MARCHF5: variants seen among roughly 807,000 people sequenced by gnomAD.
MARCHF5 encodes E3 ubiquitin-protein ligase MARCHF5.
A neutral mutation model predicts 36.5 loss-of-function variants in MARCHF5; 5 were observed. That is an observed-to-expected ratio of 0.14 (90% CI 0.07 to 0.29). The LOEUF is 0.29. Ranked by LOEUF, MARCHF5 falls within the 10% of genes least tolerant of loss-of-function variation. The pLI is 1.00. For missense variants in MARCHF5, 179 were observed against 336.3 expected, an observed-to-expected ratio of 0.53 and a Z score of 3.66; for synonymous variants, 103 against 109.9, an observed-to-expected ratio of 0.94 and a Z score of 0.39.
intron 1 of MARCHF5, among the ~76,000 whole-genome samples, chr10:92,291,922 T>C (rs1002897522): frequency 3.3e-5 from 5 of 152,036 alleles, no homozygotes; most frequent in Admixed American, 1.3e-4. Flanking sequence ...GACCCCCTTA[T>C]AATTTTAAGT....
intron 2 of MARCHF5, among the ~76,000 whole-genome samples, chr10:92,315,707 T>C (rs182946087): frequency 2.6e-5 from 4 of 152,304 alleles, no homozygotes; most frequent in Non-Finnish European, 5.9e-5. Context: ...ATTTTTCACT[T>C]TTACTCTTTT....
intron 2 of MARCHF5, among the ~76,000 whole-genome samples, chr10:92,315,963 T>A (rs1439687309): frequency 1.3e-5 from 2 of 152,200 alleles, no homozygotes; most frequent in Non-Finnish European, 2.9e-5. Context: ...CTCAAATTTG[T>A]GAAATATTTG....
At chr10:92,298,704 C>T (rs1403223212) in intron 1 of MARCHF5, among the ~76,000 whole-genome samples, 1 of 152,128 alleles carries the variant, frequency 6.6e-6, no homozygotes, top group Non-Finnish European at 1.5e-5. Flanking sequence ...ACCCTCCTGA[C>T]TAGCTGGGAC....
intron 1 of MARCHF5, among the ~76,000 whole-genome samples, chr10:92,295,407 A>ATTTTTTTT (rs1474666242): frequency 6.4e-5 from 5 of 77,946 alleles, no homozygotes; most frequent in South Asian, 3.9e-4. Context: ...TTATTTATTT[A>ATTTTTTTT]TTTTTTATTT....
chr10:92,313,437 T>C (rs1843169801), intron 2 of MARCHF5, among the ~76,000 whole-genome samples: 1 of 151,124 alleles, frequency 6.6e-6, no homozygotes, highest in East Asian at 2.0e-4. Flanking sequence ...ACCCCATCTC[T>C]ACTAAAAATA....
Position 92,319,440 on chromosome 10 carries a change from C to T in MARCHF5, c.238+8103C>T, listed in dbSNP as rs573135665. Among the ~76,000 whole-genome samples, 31 of 151,120 alleles carry T rather than the reference C, an allele frequency of 2.1e-4. No homozygotes were observed. In the South Asian group the frequency reaches 4.0e-3, roughly 19 times the overall value. The stretch of plus-strand genomic sequence containing the variant: ...CCTCCCGTGTAGCTGGGACTACAGG[C>T]GCACGCCACCATGCCCGGCTAATTT... On this transcript the variant is annotated intron_variant, in intron 2 of 5. Coordinates refer to ENST00000358935, the MANE Select transcript of MARCHF5 (RefSeq NM_017824.5).
intron 2 of MARCHF5, among the ~76,000 whole-genome samples, chr10:92,322,868 G>A (rs1200164322): frequency 1.3e-5 from 2 of 151,722 alleles, no homozygotes; most frequent in Non-Finnish European, 2.9e-5. Flanking sequence ...CTCCTGAGTA[G>A]CTGGGACTAT....
rs2135226835 is a variant in MARCHF5 at position 92,353,755 on chromosome 10, C to G, written c.*2548C>G. On this transcript the variant is annotated 3_prime_UTR_variant, in exon 6 of 6. Transcript: ENST00000358935. ...CAATGACGACTACTAGAATTCTTTT[C>G]AAAAGTTAACTTATCTCCAAAGTGG... The G allele has an allele frequency of 6.6e-6, 1 of 152,662 alleles. No individual in the cohort carries two copies. Among genetic ancestry groups the G allele is most frequent in the Non-Finnish European group, 1.5e-5 (1 of 68,006 alleles). The allele number at this position is 152,662 out of a possible 1,614,324, so 9.5% of individuals were successfully genotyped here.
chr10:92,291,837 C>G (rs912269970), intron 1 of MARCHF5, among the ~76,000 whole-genome samples: 1 of 147,792 alleles, frequency 6.8e-6, no homozygotes, highest in African/African-American at 2.7e-5. Flanking sequence ...TTCCCCTCCC[C>G]CTTCCCCCTC....
chr10:92,328,821 A>ATATATATATT (rs372130854), intron 2 of MARCHF5, among the ~76,000 whole-genome samples: 15 of 122,418 alleles, frequency 1.2e-4, no homozygotes, highest in African/African-American at 4.7e-4. Context: ...ATATATATAT[A>ATATATATATT]TTTTTTTTTT....
At position 92,351,147 on chromosome 10, in the gene MARCHF5, G is replaced by A; in HGVS notation, c.777G>A (p.Gln259=). 1.2e-6 allele frequency: 2 copies of A among 1,613,668 alleles called. No individual in the cohort carries two copies. The highest frequency in any genetic ancestry group is 2.2e-5 in the East Asian group (1 of 44,854). Residue 259 remains glutamine (Q), a synonymous_variant, in exon 6 of 6, where the codon CAG becomes CAA. Coordinates refer to ENST00000358935, the MANE Select transcript of MARCHF5 (RefSeq NM_017824.5). ...CATTTAAAGTTTACTTCAAACAGCA[G>A]CAATATTTACGACAGGCACACCGCA... ...KGAFKVYFKQ[Q]QYLRQAHRKI... is the part of the protein sequence containing the mutation.
At chr10:92,313,014 T>TC (rs1843164603) in intron 2 of MARCHF5, among the ~76,000 whole-genome samples, 1 of 152,078 alleles carries the variant, frequency 6.6e-6, no homozygotes, top group East Asian at 1.9e-4. Context: ...GGCGGGCAGA[T>TC]CACGAGGTCA....
At chr10:92,307,175 C>CTGTGTGTGTGTGTGTG (rs376178460) in intron 1 of MARCHF5, among the ~76,000 whole-genome samples, 47 of 121,878 alleles carry the variant, frequency 3.9e-4, no homozygotes, top group African/African-American at 1.3e-3. Flanking sequence ...AAGAAAACAT[C>CTGTGTGTGTGTGTGTG]TGTGTGTGTG....
At chr10:92,293,736 C>T (rs970957717) in intron 1 of MARCHF5, among the ~76,000 whole-genome samples, 3 of 151,686 alleles carry the variant, frequency 2.0e-5, no homozygotes, top group Non-Finnish European at 4.4e-5. Flanking sequence ...GAGCTGAGAT[C>T]GCACCATTGT....
chr10:92,326,466 G>A (rs1052311515), intron 2 of MARCHF5, among the ~76,000 whole-genome samples: 3 of 152,140 alleles, frequency 2.0e-5, no homozygotes, highest in African/African-American at 7.2e-5. Flanking sequence ...CTGTCACTCA[G>A]TGAGTCAGCT....
intron 1 of MARCHF5, among the ~76,000 whole-genome samples, chr10:92,302,486 C>G (rs978117553): frequency 1.1e-4 from 16 of 151,340 alleles, no homozygotes; most frequent in African/African-American, 3.9e-4. Flanking sequence ...CTCTTGTTGC[C>G]CAGGCTGGAG....
rs1843748874 is a variant in MARCHF5 at position 92,353,835 on chromosome 10, A to T, written c.*2628A>T. The stretch of plus-strand genomic sequence containing the variant: ...ATGAAATGACTGTGAAGAATATAAA[A>T]TTAAACTTAGTGACTTAATTAGTCA... On this transcript the variant is annotated 3_prime_UTR_variant, in exon 6 of 6. Coordinates refer to ENST00000358935, the MANE Select transcript of MARCHF5 (RefSeq NM_017824.5). The T allele has an allele frequency of 6.6e-6, 1 of 152,658 alleles. No homozygotes were observed. Among genetic ancestry groups the T allele is most frequent in the Admixed American group, 6.5e-5 (1 of 15,274 alleles). 9.5% of individuals were successfully genotyped at this position (152,658 alleles called of 1,614,324 possible). A position where few individuals can be genotyped will look rare whatever the true frequency, so the allele number is the denominator to read the frequency against.
intron 2 of MARCHF5, among the ~76,000 whole-genome samples, chr10:92,324,868 T>G (rs1843336141): frequency 6.6e-6 from 1 of 152,194 alleles, no homozygotes; most frequent in Non-Finnish European, 1.5e-5. Flanking sequence ...TCTGATTTTT[T>G]AACTATATTA....
intron 1 of MARCHF5, among the ~76,000 whole-genome samples, chr10:92,292,559 A>G (rs1226748023): frequency 1.3e-5 from 2 of 152,168 alleles, no homozygotes; most frequent in Non-Finnish European, 2.9e-5. Context: ...CCAGAACACA[A>G]ATGACCCAAG....
Sources: gnomAD v4.1 joint callset for allele counts (sites outside exome capture counted in the v4.1 genomes callset) on GRCh38, gnomAD v4.1.1 for gene constraint, MANE v1.5 for transcripts, NCBI Gene and HGNC (gene_info 2026-07-23, HGNC 2026-07-21) for gene names.